FNTA: variants seen among roughly 807,000 people sequenced by gnomAD.
FNTA encodes the protein farnesyltransferase, CAAX box, subunit alpha.
Under a neutral mutation model 55.2 loss-of-function variants are expected in FNTA, and 27 were observed. The ratio of observed to expected loss-of-function variants is 0.49; its 90% CI spans 0.36 to 0.67. FNTA has a LOEUF of 0.67. Ranked by LOEUF, FNTA falls within the 30% of genes least tolerant of loss-of-function variation. The pLI, the probability that FNTA is intolerant of heterozygous loss-of-function variation, is 0.00. For missense variants in FNTA, 422 were observed against 464.7 expected (o/e 0.91, Z 0.85); for synonymous variants, 176 against 170.7 (o/e 1.03, Z -0.24).
At chr8:43,081,559 CTTTT>C (rs1054939204) in intron 6 of FNTA, 2 of 152,098 alleles carry the variant, frequency 1.3e-5, no homozygotes, top group African/African-American at 4.8e-5. Context: ...GTTCATCGGT[CTTTT>C]TGTTTGTTTG....
At chr8:43,057,280 G>A (rs1486168748) in intron 1 of FNTA, 2 of 152,122 alleles carry the variant, frequency 1.3e-5, no homozygotes, top group Non-Finnish European at 2.9e-5. Context: ...AGAGATAATC[G>A]CCTTAGGTCT....
chr8:43,066,693 T>C (rs1367945532), intron 3 of FNTA, among the ~76,000 whole-genome samples: 1 of 152,164 alleles, frequency 6.6e-6, no homozygotes, highest in Non-Finnish European at 1.5e-5. Flanking sequence ...TTGGTAATTC[T>C]TGACTTTCTC....
At chr8:43,060,302 TATAAC>T (rs1481830107) in intron 2 of FNTA, among the ~76,000 whole-genome samples, 3 of 152,340 alleles carry the variant, frequency 2.0e-5, no homozygotes, top group African/African-American at 7.2e-5. Flanking sequence ...CATAAGTACT[TATAAC>T]AGAGATGTTG....
chr8:43,060,724 G>A (rs1161132910), intron 2 of FNTA, among the ~76,000 whole-genome samples: 1 of 151,772 alleles, frequency 6.6e-6, no homozygotes, highest in Admixed American at 6.6e-5. Flanking sequence ...ATACACCATG[G>A]TTAGAAACCC....
At position 43,059,149 on chromosome 8, in the gene FNTA, C is replaced by A. The variant is rs774178497; in HGVS notation, c.258C>A (p.Pro86=). The A allele has an allele frequency of 3.1e-6, 5 of 1,613,114 alleles. No individual in the cohort carries two copies. The highest frequency in any genetic ancestry group is 2.2e-5 in the East Asian group (1 of 44,840). The part of the protein sequence containing the change: ...DPVPQNDGPN[P]VVQIIYSDKF... ...TGCCGCAGAATGATGGCCCCAATCCCGTGGTCCAGATCATTTATAGTGACA... is the reference window on the plus strand; with the variant it reads ...TGCCGCAGAATGATGGCCCCAATCCAGTGGTCCAGATCATTTATAGTGACA... The change falls in exon 2 of 9, where the codon CCC becomes CCA. Residue 86 remains proline (P), a synonymous_variant. Transcript: ENST00000302279.
At chr8:43,084,608 C>A in intron 7 of FNTA, 102 bp from the exon 8 acceptor site, 1 of 852,210 alleles carries the variant, frequency 1.2e-6, no homozygotes, top group Non-Finnish European at 1.8e-6. Context: ...AATAACTCTC[C>A]TTTTCTTGTT....
At chr8:43,057,310 A>G (rs1328578808) in intron 1 of FNTA, 2 of 152,188 alleles carry the variant, frequency 1.3e-5, no homozygotes, top group Admixed American at 1.3e-4. Flanking sequence ...AGTTCTAGGT[A>G]AATCCATTCG....
chr8:43,068,409 T>G (rs1001176664), intron 3 of FNTA, among the ~76,000 whole-genome samples: 11 of 152,234 alleles, frequency 7.2e-5, no homozygotes, highest in Non-Finnish European at 1.0e-4. Context: ...ATTCCTTTTG[T>G]TGGTGGTGGT....
chr8:43,072,212 A>G lies in FNTA; in HGVS notation c.538A>G (p.Arg180Gly). The G allele has an allele frequency of 6.3e-7, 1 of 1,580,462 alleles. No individual in the cohort carries two copies. The part of the protein sequence containing the change: ...HHRRVLVEWL[R>G]DPSQELEFIA... Reference sequence around the variant, plus strand: ...TAGGCGAGTATTAGTGGAATGGCTAAGAGATCCATCTCAGGAGCTTGAATT... The same window carrying G: ...TAGGCGAGTATTAGTGGAATGGCTAGGAGATCCATCTCAGGAGCTTGAATT... The change falls in exon 5 of 9, where the codon AGA becomes GGA. Residue 180 changes from arginine (R) to glycine (G), a missense_variant. Arg to Gly is a moderately radical substitution (Grantham distance 125). Transcript: ENST00000302279.
chr8:43,082,228 A>G (rs1811039564), intron 6 of FNTA: 2 of 152,224 alleles, frequency 1.3e-5, no homozygotes, highest in South Asian at 2.1e-4. Flanking sequence ...ATTATATTTA[A>G]TCTGTTTAAG....
At chr8:43,059,206 TG>T in intron 2 of FNTA, 29 bp downstream of exon 2, 1 of 1,504,658 alleles carries the variant, frequency 6.6e-7, no homozygotes, top group Non-Finnish European at 9.2e-7. Context: ...GGAAAAGGTC[TG>T]TAAGTTAAAT....
In FNTA at chr8:43,085,781, A is replaced by G. The variant is rs573144758; in HGVS notation, c.*499A>G. ...TTGTAATAAAATTATAGCTGTATCT[A>G]AAAACAATGCCATAGAAGTTTGATT... On this transcript the variant is annotated 3_prime_UTR_variant, in exon 9 of 9. Transcript: ENST00000302279. The G allele has an allele frequency of 2.2e-4, 34 of 154,658 alleles. 1 individual carries two copies. In the South Asian group the frequency reaches 6.9e-3, roughly 31 times the overall value. The allele number at this position is 154,658 out of a possible 1,614,324, so 9.6% of individuals were successfully genotyped here. A position where few individuals can be genotyped will look rare whatever the true frequency, so the allele number is the denominator to read the frequency against.
chr8:43,062,217 T>C (rs1022203921), intron 2 of FNTA, among the ~76,000 whole-genome samples: 1 of 151,830 alleles, frequency 6.6e-6, no homozygotes, highest in African/African-American at 2.4e-5. Context: ...TAATGTATTA[T>C]ATATATACAT....
chr8:43,060,755 A>T (rs183613324), intron 2 of FNTA, among the ~76,000 whole-genome samples: 25 of 152,250 alleles, frequency 1.6e-4, no homozygotes, highest in Admixed American at 1.2e-3. Context: ...GATAAGTTTG[A>T]CCTGTCAACC....
intron 1 of FNTA, chr8:43,057,117 C>T (rs944504975): frequency 2.0e-5 from 3 of 152,210 alleles, no homozygotes; most frequent in African/African-American, 7.2e-5. Context: ...TCTCTTAAGT[C>T]TCCCTGCATC....
intron 1 of FNTA, chr8:43,058,825 T>C: frequency 3.2e-6 from 1 of 312,606 alleles, no homozygotes; most frequent in Non-Finnish European, 5.8e-6. Context: ...CAAAAACTTA[T>C]TTTTCTACTT....
In FNTA at chr8:43,077,215, G is replaced by T; in HGVS notation, c.634-1G>T. On this transcript the variant is annotated splice_acceptor_variant, in intron 5 of 8. Transcript: ENST00000302279. LOFTEE classifies it high-confidence loss of function. Reference sequence around the variant, plus strand: ...ATGATTTTTCTAAATTTTTCCTTTAGGAATTTAAACTTTGGGATAATGAGC... The same window carrying T: ...ATGATTTTTCTAAATTTTTCCTTTATGAATTTAAACTTTGGGATAATGAGC... 6.4e-7 allele frequency: 1 copy of T among 1,561,004 alleles called. No individual in the cohort carries two copies. The highest frequency in any genetic ancestry group is 8.7e-7 in the Non-Finnish European group (1 of 1,152,326).
chr8:43,063,252 T>G (rs1297934482), intron 2 of FNTA: 1 of 456,050 alleles, frequency 2.2e-6, no homozygotes, highest in East Asian at 6.9e-5. Context: ...GATTAATTTC[T>G]ATATTTTTTG....
Position 43,059,108 on chromosome 8 carries a change from G to A in FNTA, c.217G>A (p.Ala73Thr), listed in dbSNP as rs757579488. Residue 73 changes from alanine (A) to threonine (T), a missense_variant, in exon 2 of 9, where the codon GCT becomes ACT. Ala to Thr is a moderately conservative substitution (Grantham distance 58). Transcript: ENST00000302279. ...TGTTTTCAGGGACAGAGCAGAATGG[G>A]CTGATATAGATCCGGTGCCGCAGAA... Reference protein sequence around the residue: ...YVLYRDRAEWADIDPVPQNDG... With the variant: ...YVLYRDRAEWTDIDPVPQNDG... 4 of 1,613,520 alleles carry A rather than the reference G, an allele frequency of 2.5e-6. No individual in the cohort carries two copies. Among genetic ancestry groups the A allele is most frequent in the East Asian group, 2.2e-5 (1 of 44,868 alleles).
Sources: gnomAD v4.1 joint callset for allele counts (sites outside exome capture counted in the v4.1 genomes callset) on GRCh38, gnomAD v4.1.1 for gene constraint, MANE v1.5 for transcripts, NCBI Gene and HGNC (gene_info 2026-07-23, HGNC 2026-07-21) for gene names.